Variants in PNKD observed in about 807,000 individuals in gnomAD.
PNKD encodes the protein probable thioesterase PNKD.
PNKD carries 36 observed loss-of-function variants against 45.3 expected under a neutral mutation model. That is an observed-to-expected ratio of 0.80 (90% confidence interval 0.61 to 1.05). The LOEUF (loss-of-function observed/expected upper bound fraction) is 1.05. Among genes scored for constraint, PNKD ranks in the 50% least tolerant of loss-of-function variants. The pLI is 0.00. For missense variants in PNKD, 511 were observed against 506.6 expected (o/e 1.01, Z -0.08); for synonymous variants, 197 against 210.1 (o/e 0.94, Z 0.54).
At chr2:218,283,981 A>C (rs1400787600) in intron 2 of PNKD, 1 of 152,072 alleles carries the variant, frequency 6.6e-6, no homozygotes, top group Non-Finnish European at 1.5e-5. Flanking sequence ...CCTGGCCAAC[A>C]TAGTGAAAAC....
intron 2 of PNKD, chr2:218,279,071 A>C (rs202062977): frequency 5.6e-6 from 9 of 1,614,136 alleles, no homozygotes; most frequent in Non-Finnish European, 1.7e-6. Flanking sequence ...ATTTCTCCTC[A>C]CAAAGGCGCT....
chr2:218,344,417 C>T (rs1386846798), intron 8 of PNKD, 38 bp from the exon 9 acceptor site: 2 of 1,421,728 alleles, frequency 1.4e-6, no homozygotes, highest in African/African-American at 2.8e-5. Context: ...CCACCAATCT[C>T]TCTCTGCTCT....
intron 2 of PNKD, chr2:218,282,245 C>T (rs1000013463): frequency 1.7e-5 from 17 of 978,098 alleles, no homozygotes; most frequent in Non-Finnish European, 2.2e-5. Context: ...GCCTCATGGG[C>T]CCACTTCCAG....
intron 2 of PNKD, chr2:218,292,615 G>A (rs549507077): frequency 6.6e-6 from 1 of 152,106 alleles, no homozygotes; most frequent in Non-Finnish European, 1.5e-5. Context: ...GGGGGCGCAG[G>A]GGTCTGTCCC....
chr2:218,301,923 G>A (rs184384243), intron 2 of PNKD, among the ~76,000 whole-genome samples: 77 of 152,336 alleles, frequency 5.1e-4, no homozygotes, highest in African/African-American at 1.8e-3. Context: ...ATAAAATACA[G>A]CCCCCGCTTT....
At chr2:218,313,700 C>T (rs1693680420) in intron 2 of PNKD, among the ~76,000 whole-genome samples, 1 of 152,012 alleles carries the variant, frequency 6.6e-6, no homozygotes, top group Admixed American at 6.6e-5. Flanking sequence ...ACTAAGTAAA[C>T]AGATATGAAC....
intron 2 of PNKD, among the ~76,000 whole-genome samples, chr2:218,313,109 ATT>A (rs146265094): frequency 1.4e-5 from 2 of 147,220 alleles, no homozygotes. Flanking sequence ...TCTTTATACA[ATT>A]TTTTTTTTTT....
At chr2:218,312,581 AG>A (rs1693648386) in intron 2 of PNKD, among the ~76,000 whole-genome samples, 1 of 150,832 alleles carries the variant, frequency 6.6e-6, no homozygotes, top group Non-Finnish European at 1.5e-5. Flanking sequence ...AAAAAAAAAA[AG>A]AAAACCTGGG....
At chr2:218,309,401 A>C (rs1693529647) in intron 2 of PNKD, among the ~76,000 whole-genome samples, 2 of 134,822 alleles carry the variant, frequency 1.5e-5, no homozygotes, top group Non-Finnish European at 3.2e-5. Flanking sequence ...CCTGGGCAAC[A>C]GAGAGACTCC....
intron 2 of PNKD, among the ~76,000 whole-genome samples, chr2:218,310,605 T>TTTG (rs1693582389): frequency 6.7e-6 from 1 of 149,910 alleles, no homozygotes; most frequent in Non-Finnish European, 1.5e-5. Flanking sequence ...TTTTTTTTTT[T>TTTG]TTTTGAGGTG....
intron 2 of PNKD, among the ~76,000 whole-genome samples, chr2:218,307,911 A>AAATGGGTTTGACCTTC (rs1693467627): frequency 6.6e-6 from 1 of 152,118 alleles, no homozygotes; most frequent in African/African-American, 2.4e-5. Context: ...GAACAATGAC[A>AAATGGGTTTGACCTTC]AATGGGTTTG....
intron 2 of PNKD, chr2:218,281,970 G>T (rs778650493): frequency 5.6e-6 from 9 of 1,603,368 alleles, no homozygotes; most frequent in Non-Finnish European, 7.7e-6. Flanking sequence ...TGGGTGGGGG[G>T]CATGGGCTGT....
intron 2 of PNKD, among the ~76,000 whole-genome samples, chr2:218,284,734 A>G (rs1692361783): frequency 6.6e-6 from 1 of 152,234 alleles, no homozygotes; most frequent in Non-Finnish European, 1.5e-5. Flanking sequence ...CTTCACCTGG[A>G]AAATGGGTCT....
At chr2:218,333,796 G>T (rs1404851513) in intron 2 of PNKD, among the ~76,000 whole-genome samples, 1 of 151,942 alleles carries the variant, frequency 6.6e-6, no homozygotes, top group South Asian at 2.1e-4. Context: ...AGGAAAGGGT[G>T]ATTTTATTTA....
intron 2 of PNKD, chr2:218,277,796 AGAG>A (rs1691389508): frequency 1.3e-6 from 2 of 1,539,578 alleles, no homozygotes; most frequent in East Asian, 2.3e-5. Context: ...AGGCAGCCAC[AGAG>A]GAGATCAGAA....
At chr2:218,276,139 GC>G (rs1691184997) in intron 2 of PNKD, 6 of 1,572,750 alleles carry the variant, frequency 3.8e-6, no homozygotes, top group Non-Finnish European at 5.2e-6. Context: ...AGGCCCACAG[GC>G]CCCAGCTTCC....
Position 218,340,838 on chromosome 2 carries a change from A to G in PNKD, c.524+52A>G, listed in dbSNP as rs986027842. 5 of 1,489,800 alleles carry G rather than the reference A, an allele frequency of 3.4e-6. No individual in the cohort carries two copies. The highest frequency in any genetic ancestry group is 3.4e-4 in the Middle Eastern group (2 of 5,838). The allele number at this position is 1,489,800 out of a possible 1,614,324, so 92.3% of individuals were successfully genotyped here. On this transcript the variant is annotated intron_variant, in intron 5 of 9. Coordinates refer to ENST00000273077, the MANE Select transcript of PNKD (RefSeq NM_015488.5). The surrounding 1 kb of genome is among the most constrained non-coding windows in gnomAD (Gnocchi z 4.2). ...CACCCTTGTCCCAGCTGGGCTTGCCAGGACTGGGCCCATTGAGGACGGCCG... is the reference window on the plus strand; with the variant it reads ...CACCCTTGTCCCAGCTGGGCTTGCCGGGACTGGGCCCATTGAGGACGGCCG...
chr2:218,300,572 G>A (rs1256821405), intron 2 of PNKD, among the ~76,000 whole-genome samples: 1 of 145,984 alleles, frequency 6.9e-6, no homozygotes, highest in Non-Finnish European at 1.5e-5. Context: ...TTGAGATGGA[G>A]TCTCGCTCTG....
At chr2:218,317,758 G>A (rs4672884) in intron 2 of PNKD, among the ~76,000 whole-genome samples, 66,419 of 151,972 alleles carry the variant, frequency 0.44, 14,829 homozygotes, top group Middle Eastern at 0.55. Context: ...AAAATGGCTC[G>A]GACAGGAGTT....
Sources: allele counts gnomAD v4.1 joint callset (sites outside exome capture counted in the v4.1 genomes callset), GRCh38; gene constraint gnomAD v4.1.1; non-coding constraint Gnocchi (gnomAD v3.1); transcripts MANE v1.5; gene names NCBI Gene and HGNC (gene_info 2026-07-23, HGNC 2026-07-21).